CEMIP: variants seen among roughly 807,000 people sequenced by gnomAD.
The protein encoded by CEMIP is cell migration-inducing and hyaluronan-binding protein.
A neutral mutation model predicts 156.9 loss-of-function variants in CEMIP; 105 were observed. The ratio of observed to expected loss-of-function variants is 0.67; its 90% CI spans 0.57 to 0.79. The LOEUF is 0.79. Ranked by LOEUF, CEMIP falls within the 30% of genes least tolerant of loss-of-function variation. The pLI, the probability that CEMIP is intolerant of heterozygous loss-of-function variation, is 0.00. For missense variants in CEMIP, 1,457 were observed against 1,769.4 expected, an observed-to-expected ratio of 0.82 and a Z score of 3.17; for synonymous variants, 676 against 668.4, an observed-to-expected ratio of 1.01 and a Z score of -0.17.
intron 1 of CEMIP, among the ~76,000 whole-genome samples, chr15:80,792,244 G>A (rs545032420): frequency 8.5e-5 from 13 of 152,264 alleles, no homozygotes; most frequent in East Asian, 1.9e-4. Context: ...GAGAAATAAT[G>A]AAGTATTCCA....
chr15:80,835,241 A>G (rs1897245550), intron 1 of CEMIP, among the ~76,000 whole-genome samples: 2 of 152,004 alleles, frequency 1.3e-5, no homozygotes, highest in Admixed American at 1.3e-4. Context: ...CTATGAAGCT[A>G]CTCCAAGTTC....
chr15:80,915,525 T>A (rs984061109), intron 14 of CEMIP, among the ~76,000 whole-genome samples: 1 of 152,140 alleles, frequency 6.6e-6, no homozygotes, highest in Non-Finnish European at 1.5e-5. Flanking sequence ...CCACAAAAGT[T>A]TCATTGGCCC....
At chr15:80,895,553 A>G (rs892386859) in intron 11 of CEMIP, among the ~76,000 whole-genome samples, 2 of 152,208 alleles carry the variant, frequency 1.3e-5, no homozygotes, top group African/African-American at 2.4e-5. Flanking sequence ...GCTACCGAAA[A>G]TAATAGTTGA....
At chr15:80,849,669 CAGAGAGAG>C (rs151265419) in intron 1 of CEMIP, among the ~76,000 whole-genome samples, 272 of 150,176 alleles carry the variant, frequency 1.8e-3, no homozygotes, top group African/African-American at 5.5e-3. Flanking sequence ...GAATGACCAC[CAGAGAGAG>C]AGAGAGAGAG....
chr15:80,827,633 A>G (rs1897068748), intron 1 of CEMIP, among the ~76,000 whole-genome samples: 1 of 152,284 alleles, frequency 6.6e-6, no homozygotes, highest in East Asian at 1.9e-4. Flanking sequence ...ACAAACAACA[A>G]CAACAAAAAA....
At chr15:80,781,177 C>T (rs1443781331) in intron 1 of CEMIP, among the ~76,000 whole-genome samples, 2 of 152,158 alleles carry the variant, frequency 1.3e-5, no homozygotes, top group Non-Finnish European at 2.9e-5. Context: ...CTGTGTAGGG[C>T]ACAAGTTCAT....
intron 14 of CEMIP, among the ~76,000 whole-genome samples, chr15:80,911,329 A>G (rs1407522921): frequency 6.6e-6 from 1 of 152,230 alleles, no homozygotes; most frequent in Non-Finnish European, 1.5e-5. Context: ...ATTGGTTAGG[A>G]AAGATAACAG....
chr15:80,829,356 A>T (rs1325379178), intron 1 of CEMIP, among the ~76,000 whole-genome samples: 4 of 152,164 alleles, frequency 2.6e-5, no homozygotes, highest in Non-Finnish European at 4.4e-5. Context: ...TGCTCAGCTG[A>T]TGCCTTTGGG....
chr15:80,852,023 G>A (rs1390758864), intron 1 of CEMIP, among the ~76,000 whole-genome samples: 2 of 152,074 alleles, frequency 1.3e-5, no homozygotes, highest in African/African-American at 4.8e-5. Context: ...GAAGACTGTG[G>A]GTAGAACTTC....
At chr15:80,825,539 C>T in intron 1 of CEMIP, among the ~76,000 whole-genome samples, 1 of 152,202 alleles carries the variant, frequency 6.6e-6, no homozygotes, top group East Asian at 1.9e-4. Flanking sequence ...CTCTGTCTGA[C>T]CTGCTATTTA....
intron 19 of CEMIP, among the ~76,000 whole-genome samples, chr15:80,928,307 C>T (rs1900769159): frequency 6.6e-6 from 1 of 152,138 alleles, no homozygotes; most frequent in Non-Finnish European, 1.5e-5. Context: ...GCATGCTCAT[C>T]TGACCCCTAA....
At chr15:80,866,870 C>T (rs1204985604) in intron 1 of CEMIP, among the ~76,000 whole-genome samples, 1 of 151,862 alleles carries the variant, frequency 6.6e-6, no homozygotes, top group East Asian at 1.9e-4. Flanking sequence ...GAAGCGTTGC[C>T]TCAATAGAAA....
At chr15:80,868,462 G>A (rs552375302) in intron 1 of CEMIP, among the ~76,000 whole-genome samples, 22 of 152,232 alleles carry the variant, frequency 1.4e-4, no homozygotes, top group Non-Finnish European at 2.1e-4. Context: ...CAGCACCTCA[G>A]CCCCCACCCC....
At chr15:80,836,203 T>C (rs1035356498) in intron 1 of CEMIP, among the ~76,000 whole-genome samples, 2 of 152,192 alleles carry the variant, frequency 1.3e-5, no homozygotes, top group Non-Finnish European at 2.9e-5. Context: ...TAAAGCCTTC[T>C]GTTGCCCAAA....
chr15:80,882,150 G>A (rs1898682720), intron 6 of CEMIP, among the ~76,000 whole-genome samples: 1 of 152,220 alleles, frequency 6.6e-6, no homozygotes, highest in Non-Finnish European at 1.5e-5. Flanking sequence ...GTCAGGGGCA[G>A]GGTGGGCAGG....
At chr15:80,914,575 C>T (rs886357186) in intron 14 of CEMIP, among the ~76,000 whole-genome samples, 1 of 152,124 alleles carries the variant, frequency 6.6e-6, no homozygotes, top group Non-Finnish European at 1.5e-5. Flanking sequence ...ATGGCTGAGC[C>T]CCCTGTGTCT....
At chr15:80,935,670 T>C (rs1315505858) in intron 23 of CEMIP, among the ~76,000 whole-genome samples, 1 of 152,146 alleles carries the variant, frequency 6.6e-6, no homozygotes, top group Non-Finnish European at 1.5e-5. Context: ...TTGGCCACAG[T>C]TATGGGGATA....
In CEMIP at chr15:80,791,785, C is replaced by T. The variant is rs541072894; in HGVS notation, c.-176+12171C>T. The stretch of plus-strand genomic sequence containing the variant: ...CATGAATTCTTGGACACATTTCTAA[C>T]TGCCTTGTTGACTGACCTGCAGCAG... On this transcript the variant is annotated intron_variant, in intron 1 of 29. Coordinates refer to ENST00000394685, the MANE Select transcript of CEMIP (RefSeq NM_001293298.2). Among the ~76,000 whole-genome samples the T allele has an allele frequency of 2.6e-5, 4 of 152,300 alleles. No homozygotes were observed. The East Asian group carries it at 7.7e-4, about 29-fold the overall frequency.
chr15:80,890,863 G>A (rs1295060712), intron 10 of CEMIP, among the ~76,000 whole-genome samples: 1 of 152,124 alleles, frequency 6.6e-6, no homozygotes, highest in Non-Finnish European at 1.5e-5. Flanking sequence ...AAAGTCTGAG[G>A]AAAACTTTCT....
Sources: gnomAD v4.1 joint callset for allele counts (sites outside exome capture counted in the v4.1 genomes callset) on GRCh38, gnomAD v4.1.1 for gene constraint, MANE v1.5 for transcripts, NCBI Gene and HGNC (gene_info 2026-07-23, HGNC 2026-07-21) for gene names.